The following ABCC4 variants were observed in gnomAD, a reference collection of about 807,000 sequenced individuals.
ABCC4 encodes the protein ATP-binding cassette sub-family C member 4.
Under a neutral mutation model 168.5 loss-of-function variants are expected in ABCC4, and 102 were observed. The observed-to-expected ratio is 0.61, with a 90% CI of 0.52 to 0.71. The LOEUF (loss-of-function observed/expected upper bound fraction) is 0.71. ABCC4 is among the 30% of genes least tolerant of loss of function. The pLI, the probability that ABCC4 is intolerant of heterozygous loss-of-function variation, is 0.00. For missense variants in ABCC4, 1,402 were observed against 1,605.8 expected (o/e 0.87, Z 2.17); for synonymous variants, 617 against 590.7 (o/e 1.04, Z -0.65).
intron 20 of ABCC4, among the ~76,000 whole-genome samples, chr13:95,097,178 A>G (rs1282244889): frequency 6.6e-6 from 1 of 151,486 alleles, no homozygotes; most frequent in Non-Finnish European, 1.5e-5. Flanking sequence ...ACCACTAAAA[A>G]CAATAACATA....
chr13:95,273,719 A>G (rs1167282765), intron 1 of ABCC4, among the ~76,000 whole-genome samples: 8 of 151,354 alleles, frequency 5.3e-5, no homozygotes, highest in Admixed American at 5.3e-4. Context: ...GAGGGATCCA[A>G]TGGGAGATAA....
intron 1 of ABCC4, among the ~76,000 whole-genome samples, chr13:95,250,919 CTAGGAGTA>C (rs1374889102): frequency 2.0e-5 from 3 of 152,022 alleles, no homozygotes; most frequent in Admixed American, 6.6e-5. Context: ...TCCCAAGTAG[CTAGGAGTA>C]CAGGCACATG....
chr13:95,245,492 A>G (rs2040081343), intron 3 of ABCC4, among the ~76,000 whole-genome samples: 1 of 152,220 alleles, frequency 6.6e-6, no homozygotes. Context: ...GATCGGGGCC[A>G]TGTGGAAACA....
chr13:95,217,659 G>T (rs1369507520), intron 4 of ABCC4, among the ~76,000 whole-genome samples: 1 of 145,110 alleles, frequency 6.9e-6, no homozygotes, highest in Admixed American at 7.1e-5. Flanking sequence ...GCTTGAACCC[G>T]AGAGGCAGGG....
At chr13:95,143,055 T>A (rs2036371812) in intron 19 of ABCC4, among the ~76,000 whole-genome samples, 1 of 150,992 alleles carries the variant, frequency 6.6e-6, no homozygotes, top group Non-Finnish European at 1.5e-5. Flanking sequence ...GGCAAAGAAA[T>A]TTTTCAGCTG....
intron 30 of ABCC4, among the ~76,000 whole-genome samples, chr13:95,024,725 T>C (rs1007426884): frequency 6.6e-6 from 1 of 152,158 alleles, no homozygotes; most frequent in East Asian, 1.9e-4. Flanking sequence ...GTGTACATAA[T>C]TGGCATGCAT....
At chr13:95,192,576 G>C (rs375642784) in intron 9 of ABCC4, among the ~76,000 whole-genome samples, 1 of 152,192 alleles carries the variant, frequency 6.6e-6, no homozygotes. Context: ...CATTCACCTA[G>C]AGTGCTTTTT....
chr13:95,049,498 C>T (rs559505059), intron 27 of ABCC4, among the ~76,000 whole-genome samples: 4 of 150,498 alleles, frequency 2.7e-5, no homozygotes, highest in Non-Finnish European at 5.9e-5. Flanking sequence ...AAAGAGTAGC[C>T]GGCATGGTGG....
At chr13:95,213,032 C>T (rs542123872) in intron 4 of ABCC4, among the ~76,000 whole-genome samples, 3 of 151,900 alleles carry the variant, frequency 2.0e-5, no homozygotes, top group African/African-American at 7.2e-5. Flanking sequence ...GAGGCTGAGG[C>T]AGGAGAATCA....
intron 4 of ABCC4, among the ~76,000 whole-genome samples, chr13:95,222,784 A>G (rs1047438894): frequency 3.3e-5 from 5 of 152,200 alleles, no homozygotes; most frequent in African/African-American, 7.2e-5. Flanking sequence ...CAGAGAAATA[A>G]TTCTCAAACA....
In ABCC4 at chr13:95,177,141, T is replaced by A. The variant is rs2037730518; in HGVS notation, c.1727+566A>T. Among the ~76,000 whole-genome samples, 4 of 152,244 alleles carry A rather than the reference T, an allele frequency of 2.6e-5. No homozygotes were observed. The South Asian group carries it at 8.3e-4, about 32-fold the overall frequency. ...CAACATTAGATTCTTGAAACCACAGTCTACTATGGAGCAAATCATTCTTAA... is the reference window on the plus strand; with the variant it reads ...CAACATTAGATTCTTGAAACCACAGACTACTATGGAGCAAATCATTCTTAA... On this transcript the variant is annotated intron_variant, in intron 13 of 30. Coordinates refer to ENST00000645237, the MANE Select transcript of ABCC4 (RefSeq NM_005845.5).
At chr13:95,061,332 G>A (rs1413616026) in intron 26 of ABCC4, among the ~76,000 whole-genome samples, 2 of 152,148 alleles carry the variant, frequency 1.3e-5, no homozygotes, top group Non-Finnish European at 2.9e-5. Context: ...CACCAACAGT[G>A]CACAGGGTTC....
chr13:95,244,806 T>C (rs892051173), intron 3 of ABCC4, among the ~76,000 whole-genome samples: 1 of 151,810 alleles, frequency 6.6e-6, no homozygotes, highest in Non-Finnish European at 1.5e-5. Context: ...CTGCTTCTAC[T>C]AGCACTGCTG....
chr13:95,129,009 C>A (rs1223553782), intron 19 of ABCC4, among the ~76,000 whole-genome samples: 1 of 152,102 alleles, frequency 6.6e-6, no homozygotes, highest in Non-Finnish European at 1.5e-5. Flanking sequence ...AATATAAGCA[C>A]CTCCAAAGTT....
intron 1 of ABCC4, among the ~76,000 whole-genome samples, chr13:95,278,703 G>A (rs879898495): frequency 6.6e-5 from 10 of 151,522 alleles, no homozygotes; most frequent in Admixed American, 3.3e-4. Context: ...AAGCTGAGGT[G>A]GGAGGATCAC....
At chr13:95,281,924 T>C (rs140583911) in intron 1 of ABCC4, among the ~76,000 whole-genome samples, 321 of 152,128 alleles carry the variant, frequency 2.1e-3, no homozygotes, top group Middle Eastern at 0.014. Context: ...CTGGCCAACA[T>C]GGCAAAACCC....
At chr13:95,206,824 C>T in intron 7 of ABCC4, 43 bp from the exon 8 acceptor site, 1 of 1,603,540 alleles carries the variant, frequency 6.2e-7, no homozygotes, top group Non-Finnish European at 8.5e-7. Flanking sequence ...TGATGTCAAC[C>T]AGATAAAGTG....
chr13:95,211,547 C>T (rs1208960094), intron 4 of ABCC4, among the ~76,000 whole-genome samples: 1 of 152,074 alleles, frequency 6.6e-6, no homozygotes, highest in African/African-American at 2.4e-5. Flanking sequence ...TAAAGAACAC[C>T]CCAAACCTGG....
At chr13:95,293,221 G>A (rs1187724920) in intron 1 of ABCC4, among the ~76,000 whole-genome samples, 1 of 151,958 alleles carries the variant, frequency 6.6e-6, no homozygotes. Flanking sequence ...AGCCAGGCCT[G>A]GTGGTGCACA....
Sources: gnomAD v4.1 joint callset for allele counts (sites outside exome capture counted in the v4.1 genomes callset) on GRCh38, gnomAD v4.1.1 for gene constraint, MANE v1.5 for transcripts, NCBI Gene and HGNC (gene_info 2026-07-23, HGNC 2026-07-21) for gene names.